FBXO44: variants seen among roughly 807,000 people sequenced by gnomAD.
The protein encoded by FBXO44 is F-box protein 44, also known as F-box only protein 44.
In FBXO44, 25 loss-of-function variants were observed where a neutral mutation model predicts 33.5. The ratio of observed to expected loss-of-function variants is 0.75; its 90% CI spans 0.54 to 1.04. The LOEUF (loss-of-function observed/expected upper bound fraction) is 1.04, where lower values mean the gene tolerates loss of function less well. Among genes scored for constraint, FBXO44 ranks in the 50% least tolerant of loss-of-function variants. FBXO44 has a pLI of 0.00. For missense variants in FBXO44, 311 were observed against 344.0 expected (o/e 0.90, Z 0.76); for synonymous variants, 147 against 152.8 (o/e 0.96, Z 0.28).
In FBXO44 at chr1:11,661,352, G is replaced by A; in HGVS notation, c.*79G>A. ...AAAAGGGCTGGGCTTGGGAAGGGGA[G>A]GTGGAGGCCAGGTGTCCCCAGACCT... is the stretch of plus-strand genomic sequence containing the variant. On this transcript the variant is annotated 3_prime_UTR_variant, in exon 6 of 6. Transcript: ENST00000251547. This position sits in a 1 kb window ranked among gnomAD's most constrained non-coding sequence, Gnocchi z 4.4. 1 of 1,590,980 alleles carries A rather than the reference G, an allele frequency of 6.3e-7. No individual in the cohort carries two copies. The highest frequency in any genetic ancestry group is 8.6e-7 in the Non-Finnish European group (1 of 1,164,342).
upstream of FBXO44, chr1:11,654,466 C>G (rs372477706): frequency 5.2e-6 from 5 of 967,782 alleles, 1 homozygote; most frequent in African/African-American, 8.6e-5. Context: ...TAAAGGCCCC[C>G]GACCCGACCC....
chr1:11,656,202 C>T, intron 2 of FBXO44, 102 bp downstream of exon 2: 1 of 1,472,198 alleles, frequency 6.8e-7, no homozygotes, highest in East Asian at 2.3e-5. Flanking sequence ...GATGGTTTAA[C>T]ACCTTTACTT....
Position 11,655,957 on chromosome 1 carries a change from T to A in FBXO44, c.122T>A (p.Ile41Asn), listed in dbSNP as rs1410982291. Residue 41 changes from isoleucine to asparagine, a missense_variant, in exon 2 of 6, where the codon ATC becomes AAC. Coordinates refer to ENST00000251547, the MANE Select transcript of FBXO44 (RefSeq NM_033182.7). ...RLVCSLWRDL[I>N]DLVTLWKRKC... is the part of the protein sequence containing the mutation. ...GTCTGCAGCCTCTGGCGGGACCTCATCGACCTCGTGACCCTCTGGAAACGC... is the reference window on the plus strand; with the variant it reads ...GTCTGCAGCCTCTGGCGGGACCTCAACGACCTCGTGACCCTCTGGAAACGC... The A allele has an allele frequency of 1.2e-6, 2 of 1,614,032 alleles. No homozygotes were observed. The highest frequency in any genetic ancestry group is 4.5e-5 in the East Asian group (2 of 44,868).
Position 11,658,805 on chromosome 1 carries a change from G to A in FBXO44, c.558G>A (p.Ala186=), listed in dbSNP as rs376358727. Residue 186 remains alanine, a synonymous_variant, in exon 5 of 6, where the codon GCG becomes GCA. Transcript: ENST00000251547. ...TTCAGCTCCTGTCGTCCGCGCACGC[G>A]CCTCTGGGGACCTTCCAGCCAGACC... ...LCVQLLSSAH[A]PLGTFQPDPA... The A allele has an allele frequency of 8.0e-5, 129 of 1,613,706 alleles. No individual in the cohort carries two copies. The highest frequency in any genetic ancestry group is 3.3e-4 in the Middle Eastern group (2 of 6,062).
Position 11,662,809 on chromosome 1 carries a change from A to AT in FBXO44, c.*1537dup. 1 of 152,158 alleles carries AT rather than the reference A, an allele frequency of 6.6e-6. No homozygotes were observed. Among genetic ancestry groups the AT allele is most frequent in the East Asian group, 1.9e-4 (1 of 5,190 alleles). The allele number at this position is 152,158 out of a possible 1,614,324, so 9.4% of individuals were successfully genotyped here. On this transcript the variant is annotated 3_prime_UTR_variant, in exon 6 of 6. Transcript: ENST00000251547. ...AGCGGTTTTCCCCCATGCTGTTCTC[A>AT]TGATAGTGAGTGAGTTCTCACGAGA...
At chr1:11,654,656 C>T, upstream of FBXO44, 1 of 292,584 alleles carries the variant, frequency 3.4e-6, no homozygotes, top group Non-Finnish European at 6.3e-6. Context: ...TGGGGGACTG[C>T]TGGGAGGAGG....
At chr1:11,656,517 A>G (rs112882368) in intron 2 of FBXO44, among the ~76,000 whole-genome samples, 18,158 of 150,430 alleles carry the variant, frequency 0.12, 2,128 homozygotes, top group African/African-American at 0.31. Flanking sequence ...GCTGGAGTGC[A>G]ATGGTGCGAT....
In FBXO44 at chr1:11,662,088, C is replaced by T. The variant is rs1006182056; in HGVS notation, c.*815C>T. 2 of 152,140 alleles carry T rather than the reference C, an allele frequency of 1.3e-5. No individual in the cohort carries two copies. Among genetic ancestry groups the T allele is most frequent in the Non-Finnish European group, 2.9e-5 (2 of 68,066 alleles). The allele number at this position is 152,140 out of a possible 1,614,324, so 9.4% of individuals were successfully genotyped here. On this transcript the variant is annotated 3_prime_UTR_variant, in exon 6 of 6. Transcript: ENST00000251547. ...GTAGGGGGTTTGAAGAATCCCCTGT[C>T]CACCTCCCAAATCCAGGCCCGGCCC...
intron 5 of FBXO44, among the ~76,000 whole-genome samples, chr1:11,660,378 T>C (rs1640104661): frequency 1.3e-5 from 2 of 152,148 alleles, no homozygotes; most frequent in Non-Finnish European, 2.9e-5. Context: ...CAGGCTGGTC[T>C]CCATCTCCCG....
intron 2 of FBXO44, among the ~76,000 whole-genome samples, chr1:11,656,431 G>T (rs919990056): frequency 5.4e-5 from 8 of 149,242 alleles, no homozygotes; most frequent in Non-Finnish European, 8.9e-5. Flanking sequence ...CCAAGTAGCT[G>T]GGATTACAGG....
chr1:11,661,608 C>G lies in FBXO44; in HGVS notation c.*335C>G. On this transcript the variant is annotated 3_prime_UTR_variant, in exon 6 of 6. Coordinates refer to ENST00000251547, the MANE Select transcript of FBXO44 (RefSeq NM_033182.7). The surrounding 1 kb of genome is among the most constrained non-coding windows in gnomAD (Gnocchi z 4.4). ...GAGGCCAGCCTGGATCTGTCTCTCC[C>G]TTCCCCTCCTGGGACCATTCTACCT... is the stretch of plus-strand genomic sequence containing the variant. 2.8e-6 allele frequency: 1 copy of G among 357,718 alleles called. No homozygotes were observed. Among genetic ancestry groups the G allele is most frequent in the Non-Finnish European group, 5.1e-6 (1 of 195,586 alleles). The allele number at this position is 357,718 out of a possible 1,614,324, so 22.2% of individuals were successfully genotyped here. A position where few individuals can be genotyped will look rare whatever the true frequency, so the allele number is the denominator to read the frequency against.
chr1:11,660,705 C>T (rs1411595321), intron 5 of FBXO44, among the ~76,000 whole-genome samples: 1 of 152,210 alleles, frequency 6.6e-6, no homozygotes, highest in Non-Finnish European at 1.5e-5. Context: ...AAGAACTCAG[C>T]CCCTTCCTTG....
chr1:11,656,670 C>T (rs934860365), intron 2 of FBXO44, among the ~76,000 whole-genome samples: 2 of 152,144 alleles, frequency 1.3e-5, no homozygotes, highest in African/African-American at 4.8e-5. Context: ...ACCATGTTGG[C>T]CAGGCTGGTC....
Position 11,662,533 on chromosome 1 carries a change from G to A in FBXO44, c.*1260G>A, listed in dbSNP as rs1278812906. ...CAGCCACAGGCTGGGGTTGGGGTGT[G>A]TGGACATCTCTGGGCAGCTCTTGAG... On this transcript the variant is annotated 3_prime_UTR_variant, in exon 6 of 6. Transcript: ENST00000251547. 1 of 152,306 alleles carries A rather than the reference G, an allele frequency of 6.6e-6. No homozygotes were observed. The highest frequency in any genetic ancestry group is 2.4e-5 in the African/African-American group (1 of 41,478). The allele number at this position is 152,306 out of a possible 1,614,324, so 9.4% of individuals were successfully genotyped here. A position where few individuals can be genotyped will look rare whatever the true frequency, so the allele number is the denominator to read the frequency against.
chr1:11,661,059 C>T lies in FBXO44; in HGVS notation c.625-71C>T, dbSNP rs1640151141. Reference sequence around the variant, plus strand: ...CAGCCTCCCAAAGTACTGGGATTCCCGGTGTGAGCCGCCACACCCAGCCTG... The same window carrying T: ...CAGCCTCCCAAAGTACTGGGATTCCTGGTGTGAGCCGCCACACCCAGCCTG... On this transcript the variant is annotated intron_variant, in intron 5 of 5. Transcript: ENST00000251547. This position sits in a 1 kb window ranked among gnomAD's most constrained non-coding sequence, Gnocchi z 4.4. 4.7e-6 allele frequency: 7 copies of T among 1,478,648 alleles called. No homozygotes were observed. The highest frequency in any genetic ancestry group is 3.8e-5 in the Admixed American group (2 of 53,106). The allele number at this position is 1,478,648 out of a possible 1,614,324, so 91.6% of individuals were successfully genotyped here.
chr1:11,656,710 GC>G (rs1639834419), intron 2 of FBXO44, among the ~76,000 whole-genome samples: 1 of 152,110 alleles, frequency 6.6e-6, no homozygotes, highest in African/African-American at 2.4e-5. Context: ...TGATCTGCCC[GC>G]CTTGGCCTCC....
chr1:11,655,479 C>T (rs915112322), intron 1 of FBXO44: 19 of 282,664 alleles, frequency 6.7e-5, no homozygotes, highest in Non-Finnish European at 1.2e-4. Context: ...GTGCTCTGCC[C>T]GGCTGCGCAT....
chr1:11,658,525 G>A lies in FBXO44; in HGVS notation c.393-8G>A, dbSNP rs747804313. 6.2e-6 allele frequency: 10 copies of A among 1,611,290 alleles called. No individual in the cohort carries two copies. Among genetic ancestry groups the A allele is most frequent in the Non-Finnish European group, 8.5e-6 (10 of 1,179,336 alleles). On this transcript the variant is annotated splice_polypyrimidine_tract_variant and splice_region_variant and intron_variant, in intron 3 of 5. Coordinates refer to ENST00000251547, the MANE Select transcript of FBXO44 (RefSeq NM_033182.7). ...CCCAGCCCCTCCCACCCCTCTGCCT[G>A]CCCCCAGCACCTGCCTCAAGTCCCA...
intron 2 of FBXO44, among the ~76,000 whole-genome samples, chr1:11,656,814 A>G (rs1034234248): frequency 1.3e-5 from 2 of 152,094 alleles, no homozygotes; most frequent in African/African-American, 4.8e-5. Context: ...TAGGCGAGGG[A>G]ATGTTGGCCA....
Sources: allele counts gnomAD v4.1 joint callset (sites outside exome capture counted in the v4.1 genomes callset), GRCh38; gene constraint gnomAD v4.1.1; non-coding constraint Gnocchi (gnomAD v3.1); transcripts MANE v1.5; gene names NCBI Gene and HGNC (gene_info 2026-07-23, HGNC 2026-07-21).